Variants in OTOGL observed in about 807,000 individuals in gnomAD.
The protein encoded by OTOGL is otogelin-like protein.
A neutral mutation model predicts 318.5 loss-of-function variants in OTOGL; 285 were observed. The observed-to-expected ratio is 0.89, with a 90% CI of 0.81 to 0.99. The LOEUF (loss-of-function observed/expected upper bound fraction) is 0.99. OTOGL is among the 50% of genes least tolerant of loss of function. The pLI, the probability that OTOGL is intolerant of heterozygous loss-of-function variation, is 0.00. For synonymous variants in OTOGL, 987 were observed against 936.5 expected, an observed-to-expected ratio of 1.05 and a Z score of -0.99; for missense variants, 2,899 against 2,845.6, an observed-to-expected ratio of 1.02 and a Z score of -0.43.
intron 27 of OTOGL, among the ~76,000 whole-genome samples, chr12:80,298,212 G>A (rs1283175792): frequency 6.6e-6 from 1 of 152,184 alleles, no homozygotes; most frequent in Non-Finnish European, 1.5e-5. Flanking sequence ...TGGTAAATAA[G>A]GAAGCATGGT....
intron 1 of OTOGL, among the ~76,000 whole-genome samples, chr12:80,143,560 T>G (rs796624030): frequency 3.9e-5 from 6 of 152,096 alleles, no homozygotes; most frequent in African/African-American, 1.4e-4. Context: ...CCCTGTGGAG[T>G]CGTGTATAGT....
intron 11 of OTOGL, among the ~76,000 whole-genome samples, chr12:80,250,450 C>G (rs1327760971): frequency 6.6e-6 from 1 of 152,078 alleles, no homozygotes; most frequent in Non-Finnish European, 1.5e-5. Context: ...AGTTGCTTTG[C>G]TAACTTTTAA....
chr12:80,318,454 G>T, intron 32 of OTOGL, 92 bp from the exon 33 acceptor site: 1 of 902,214 alleles, frequency 1.1e-6, no homozygotes, highest in Non-Finnish European at 1.5e-6. Flanking sequence ...AATTTTTGAA[G>T]TATTTTGTTA....
At chr12:80,310,514 A>G (rs751575834) in intron 29 of OTOGL, 97 bp from the exon 30 acceptor site, 6 of 739,264 alleles carry the variant, frequency 8.1e-6, no homozygotes, top group Non-Finnish European at 1.1e-5. Context: ...ATGAGAATAT[A>G]TTAGGCGCAA....
intron 4 of OTOGL, among the ~76,000 whole-genome samples, chr12:80,212,931 G>T (rs1277249531): frequency 6.6e-6 from 1 of 151,988 alleles, no homozygotes. Flanking sequence ...CATTGTTACT[G>T]GAAAGGGGTC....
chr12:80,255,212 G>T, intron 16 of OTOGL, 27 bp downstream of exon 16: 1 of 1,373,000 alleles, frequency 7.3e-7, no homozygotes, highest in South Asian at 2.0e-5. Flanking sequence ...ATGACCAGAG[G>T]AATATGGATT....
chr12:80,288,635 C>A (rs1358197062), intron 26 of OTOGL, among the ~76,000 whole-genome samples: 2 of 151,836 alleles, frequency 1.3e-5, no homozygotes, highest in Non-Finnish European at 1.5e-5. Context: ...CACTTTGTTT[C>A]ATTAAGTTGA....
At chr12:80,228,626 T>C (rs940402213) in intron 7 of OTOGL, among the ~76,000 whole-genome samples, 4 of 152,166 alleles carry the variant, frequency 2.6e-5, no homozygotes, top group African/African-American at 9.7e-5. Context: ...ATTTATACTT[T>C]ACTTTTTGGA....
chr12:80,107,650 A>G (rs373314715), intron 1 of OTOGL, among the ~76,000 whole-genome samples: 3 of 152,124 alleles, frequency 2.0e-5, no homozygotes, highest in Non-Finnish European at 4.4e-5. Flanking sequence ...ACATGTACAC[A>G]TACGTTCATT....
In OTOGL at chr12:80,352,572, C is replaced by G. The variant is rs904880945; in HGVS notation, c.5407+136C>G. On this transcript the variant is annotated intron_variant, in intron 45 of 58. Transcript: ENST00000547103. Reference sequence around the variant, plus strand: ...TGCACAGAAGAAGCTATGACAAACACAAGTTACATCACTTGATTTCAGAAA... The same window carrying G: ...TGCACAGAAGAAGCTATGACAAACAGAAGTTACATCACTTGATTTCAGAAA... The G allele has an allele frequency of 9.8e-6, 7 of 712,924 alleles. No individual in the cohort carries two copies. In the African/African-American group the frequency reaches 1.3e-4, roughly 13 times the overall value. The allele number at this position is 712,924 out of a possible 1,614,324, so 44.2% of individuals were successfully genotyped here.
chr12:80,173,135 A>C (rs993069049), intron 1 of OTOGL, among the ~76,000 whole-genome samples: 6 of 152,082 alleles, frequency 3.9e-5, no homozygotes, highest in African/African-American at 1.4e-4. Flanking sequence ...GTCCTGATTA[A>C]GCTCCTATCA....
rs374602013 is a variant in OTOGL, at chr12:80,199,691, C to G, written c.-19-9722C>G. The stretch of plus-strand genomic sequence containing the variant: ...TTTTCATGATCACTTGTCTTTTTCT[C>G]TCTGCCTGCTTCTAGGAGTCTCTGT... On this transcript the variant is annotated intron_variant, in intron 1 of 58. Coordinates refer to ENST00000547103, the MANE Select transcript of OTOGL (RefSeq NM_001378609.3). Among the ~76,000 whole-genome samples the G allele has an allele frequency of 2.6e-4, 39 of 152,216 alleles. No homozygotes were observed. In the East Asian group the frequency reaches 5.4e-3, roughly 21 times the overall value.
intron 1 of OTOGL, among the ~76,000 whole-genome samples, chr12:80,120,862 A>G (rs1271855543): frequency 3.3e-5 from 5 of 152,182 alleles, no homozygotes; most frequent in Non-Finnish European, 7.3e-5. Context: ...TCCTGCTTTC[A>G]GAACAAAGAC....
chr12:80,141,143 C>G (rs931351173), intron 1 of OTOGL, among the ~76,000 whole-genome samples: 31 of 152,122 alleles, frequency 2.0e-4, no homozygotes, highest in African/African-American at 7.2e-4. Context: ...TAATTATACT[C>G]TGTCACATTC....
At chr12:80,112,026 G>C (rs1435108530) in intron 1 of OTOGL, among the ~76,000 whole-genome samples, 1 of 152,006 alleles carries the variant, frequency 6.6e-6, no homozygotes, top group Non-Finnish European at 1.5e-5. Flanking sequence ...ATGGGAGTTT[G>C]CTCATTATTT....
At chr12:80,108,953 T>TATATATATATATATATACAC (rs1555268625) in intron 1 of OTOGL, among the ~76,000 whole-genome samples, 1 of 142,752 alleles carries the variant, frequency 7.0e-6, no homozygotes, top group Admixed American at 7.0e-5. Context: ...TATATATATA[T>TATATATATATATATATACAC]ACACACACAC....
intron 12 of OTOGL, 23 bp downstream of exon 12, chr12:80,251,822 C>T (rs1490604421): frequency 8.4e-6 from 13 of 1,542,162 alleles, no homozygotes; most frequent in South Asian, 8.4e-5. Flanking sequence ...ATTTTCCAAG[C>T]CCTGTGTACT....
chr12:80,167,521 G>A (rs1474860986), intron 1 of OTOGL, among the ~76,000 whole-genome samples: 1 of 152,048 alleles, frequency 6.6e-6, no homozygotes, highest in Non-Finnish European at 1.5e-5. Flanking sequence ...CTAAATAAAA[G>A]TGAGATAGAT....
chr12:80,308,880 T>C (rs1424142824), intron 29 of OTOGL, among the ~76,000 whole-genome samples: 1 of 151,980 alleles, frequency 6.6e-6, no homozygotes, highest in African/African-American at 2.4e-5. Flanking sequence ...GGCAGGAGAA[T>C]CAGGCAGGGA....
Sources: gnomAD v4.1 joint callset for allele counts (sites outside exome capture counted in the v4.1 genomes callset) on GRCh38, gnomAD v4.1.1 for gene constraint, MANE v1.5 for transcripts, NCBI Gene and HGNC (gene_info 2026-07-23, HGNC 2026-07-21) for gene names.